Variants in TNS1 observed in about 807,000 individuals in gnomAD.
TNS1 encodes tensin-1.
TNS1 carries 62 observed loss-of-function variants against 168.6 expected under a neutral mutation model. That is an observed-to-expected ratio of 0.37 (90% CI 0.30 to 0.45). TNS1 has a LOEUF of 0.45. TNS1 is among the 20% of genes least tolerant of loss of function. The pLI is 1.00. For missense variants in TNS1, 2,240 were observed against 2,339.4 expected (o/e 0.96, Z 0.88); for synonymous variants, 934 against 933.2 (o/e 1.00, Z -0.02).
At chr2:217,881,252 C>T in intron 17 of TNS1, 1 of 502,832 alleles carries the variant, frequency 2.0e-6, no homozygotes, top group Non-Finnish European at 3.5e-6. Context: ...TAAATCAGGA[C>T]AGGCACTGAA....
chr2:217,911,760 A>G (rs1448802132), intron 4 of TNS1, among the ~76,000 whole-genome samples: 3 of 152,130 alleles, frequency 2.0e-5, no homozygotes, highest in African/African-American at 7.2e-5. Context: ...TCACCTCCCC[A>G]TCATGCTATC....
intron 18 of TNS1, among the ~76,000 whole-genome samples, chr2:217,873,486 G>A (rs374280783): frequency 6.6e-6 from 1 of 152,196 alleles, no homozygotes; most frequent in Non-Finnish European, 1.5e-5. Context: ...CAGGGGTGGG[G>A]GCGCACTGGC....
At chr2:217,914,459 A>T (rs986245071) in intron 4 of TNS1, among the ~76,000 whole-genome samples, 1 of 152,156 alleles carries the variant, frequency 6.6e-6, no homozygotes, top group Non-Finnish European at 1.5e-5. Context: ...TTCCATCAGC[A>T]TGGTGCCTTA....
chr2:217,844,889 C>CT (rs1360361191), intron 19 of TNS1, among the ~76,000 whole-genome samples: 2 of 152,218 alleles, frequency 1.3e-5, no homozygotes, highest in African/African-American at 4.8e-5. Flanking sequence ...AACTCTGACT[C>CT]TTATTTCTTT....
chr2:217,866,977 A>T (rs1222002386), intron 18 of TNS1, among the ~76,000 whole-genome samples: 1 of 152,224 alleles, frequency 6.6e-6, no homozygotes, highest in Non-Finnish European at 1.5e-5. Flanking sequence ...GAGAAATGTT[A>T]TGCTGAGAAA....
chr2:217,930,270 A>G (rs1426221316), intron 3 of TNS1, among the ~76,000 whole-genome samples: 1 of 152,238 alleles, frequency 6.6e-6, no homozygotes, highest in East Asian at 1.9e-4. Context: ...TGGAAATTGA[A>G]CCAAGTTCTG....
intron 3 of TNS1, among the ~76,000 whole-genome samples, chr2:217,973,366 T>TG (rs1957816812): frequency 3.8e-5 from 3 of 78,138 alleles, no homozygotes; most frequent in Non-Finnish European, 7.0e-5. Flanking sequence ...ATCCTGTCTC[T>TG]GAAAAAAAAA....
chr2:217,857,129 C>A (rs1019094476), intron 18 of TNS1, among the ~76,000 whole-genome samples: 2 of 152,194 alleles, frequency 1.3e-5, no homozygotes, highest in South Asian at 2.1e-4. Context: ...AAAAATAGAG[C>A]CCCTCCCACC....
At chr2:217,859,842 C>A (rs1201909708) in intron 18 of TNS1, 1 of 633,380 alleles carries the variant, frequency 1.6e-6, no homozygotes, top group Non-Finnish European at 2.8e-6. Flanking sequence ...TCCTGATGTG[C>A]CCTGGAAAGT....
chr2:217,952,010 T>C (rs1017109083), intron 3 of TNS1, among the ~76,000 whole-genome samples: 1 of 152,206 alleles, frequency 6.6e-6, no homozygotes, highest in Non-Finnish European at 1.5e-5. Flanking sequence ...AGGCAGAACA[T>C]GAACACAGCC....
rs758336653 is a variant in TNS1 at position 217,836,153 on chromosome 2, C to T, written c.3066G>A (p.Ala1022=). The change falls in exon 20 of 33, where the codon GCG becomes GCA. Residue 1022 remains alanine, a synonymous_variant. Transcript: ENST00000682258. ...GGTTCTCATACTGTCCATCACTGGC[C>T]GCCCGCCTCCGCAGAGGGGCTGGGG... ...AEPPAPLRRR[A]ASDGQYENQS... 9 of 1,613,834 alleles carry T rather than the reference C, an allele frequency of 5.6e-6. No individual in the cohort carries two copies. Among genetic ancestry groups the T allele is most frequent in the African/African-American group, 2.7e-5 (2 of 75,018 alleles).
chr2:218,023,514 G>T (rs555131695), intron 1 of TNS1, among the ~76,000 whole-genome samples: 54 of 152,102 alleles, frequency 3.6e-4, no homozygotes, highest in Non-Finnish European at 5.9e-4. Flanking sequence ...CGGCCCACCT[G>T]TCTCCTGGCC....
intron 3 of TNS1, among the ~76,000 whole-genome samples, chr2:217,944,508 C>T (rs1259420560): frequency 3.3e-5 from 5 of 152,236 alleles, no homozygotes; most frequent in East Asian, 3.8e-4. Flanking sequence ...CAACTCTCAG[C>T]TTTTCTACAG....
At chr2:217,980,694 T>C (rs530926355) in intron 2 of TNS1, among the ~76,000 whole-genome samples, 23 of 152,012 alleles carry the variant, frequency 1.5e-4, no homozygotes, top group Non-Finnish European at 2.2e-4. Flanking sequence ...CCTCAACATC[T>C]CATGTTCAAC....
intron 18 of TNS1, among the ~76,000 whole-genome samples, chr2:217,857,889 C>T (rs1948343217): frequency 6.6e-6 from 1 of 152,166 alleles, no homozygotes; most frequent in East Asian, 1.9e-4. Flanking sequence ...AGCTCCAGAG[C>T]CCACAACAAG....
Position 218,000,054 on chromosome 2 carries a change from C to T in TNS1, c.33+2786G>A, listed in dbSNP as rs142438189. 1.5e-3 allele frequency among the ~76,000 whole-genome samples: 222 copies of T among 152,304 alleles called. 1 individual carries two copies. Among genetic ancestry groups the T allele is most frequent in the South Asian group, 0.012 (60 of 4,826 alleles). ...ACCTCTAACTCCTCCAGCACAACAT[C>T]AAAAAGCCTCAATTGCTAGGCATGC... On this transcript the variant is annotated intron_variant, in intron 1 of 32. Transcript: ENST00000682258.
intron 3 of TNS1, among the ~76,000 whole-genome samples, chr2:217,946,323 C>T (rs957682458): frequency 1.3e-5 from 2 of 152,174 alleles, no homozygotes; most frequent in Non-Finnish European, 2.9e-5. Context: ...ACTTCTATGG[C>T]TCCCATTTTT....
chr2:217,980,441 T>C (rs554394796), intron 2 of TNS1, among the ~76,000 whole-genome samples: 81 of 151,262 alleles, frequency 5.4e-4, no homozygotes, highest in Non-Finnish European at 2.7e-4. Flanking sequence ...AACGTCCCCT[T>C]TGTTGGTCCA....
At position 218,032,309 on chromosome 2, in the gene TNS1, G is replaced by A. The variant is rs1293974905; in HGVS notation, c.156+1511C>T. On this transcript the variant is annotated intron_variant, in intron 1 of 1. Coordinates refer to the TNS1 transcript ENST00000649572. This position sits in a 1 kb window ranked among gnomAD's most constrained non-coding sequence, Gnocchi z 4.0. ...GAGGAGTGGGCAATGGGGCCTGGGG[G>A]ACAAGGCAGTCCAGGAGAAGGAGGA... Among the ~76,000 whole-genome samples, 2 of 152,168 alleles carry A rather than the reference G, an allele frequency of 1.3e-5. No individual in the cohort carries two copies. Among genetic ancestry groups the A allele is most frequent in the African/African-American group, 4.8e-5 (2 of 41,440 alleles).
Sources: gnomAD v4.1 joint callset for allele counts (sites outside exome capture counted in the v4.1 genomes callset) on GRCh38, gnomAD v4.1.1 for gene constraint, Gnocchi (gnomAD v3.1) non-coding constraint, MANE v1.5 for transcripts, NCBI Gene and HGNC (gene_info 2026-07-23, HGNC 2026-07-21) for gene names.